Variants in NKAIN2 observed in about 807,000 individuals in gnomAD.
The protein encoded by NKAIN2 is sodium/potassium-transporting ATPase subunit beta-1-interacting protein 2.
NKAIN2 carries 14 observed loss-of-function variants against 32.6 expected under a neutral mutation model. That is an observed-to-expected ratio of 0.43 (90% confidence interval 0.28 to 0.67). NKAIN2 has a LOEUF of 0.67. Ranked by LOEUF, NKAIN2 falls within the 30% of genes least tolerant of loss-of-function variation. NKAIN2 has a pLI of 0.17. For missense variants in NKAIN2, 198 were observed against 258.3 expected, an observed-to-expected ratio of 0.77 and a Z score of 1.60; for synonymous variants, 80 against 87.2, an observed-to-expected ratio of 0.92 and a Z score of 0.46.
intron 3 of NKAIN2, among the ~76,000 whole-genome samples, chr6:124,513,221 T>G (rs188088441): frequency 2.0e-5 from 3 of 152,336 alleles, no homozygotes; most frequent in Admixed American, 2.0e-4. Context: ...TGGTTCACAC[T>G]TATATATGGA....
intron 1 of NKAIN2, among the ~76,000 whole-genome samples, chr6:124,084,557 T>A (rs1247499912): frequency 6.6e-6 from 1 of 151,982 alleles, no homozygotes. Flanking sequence ...GGAATTGAAA[T>A]TTTTTTGTGT....
chr6:124,550,363 CT>C (rs1190907767), intron 3 of NKAIN2, among the ~76,000 whole-genome samples: 4 of 151,912 alleles, frequency 2.6e-5, no homozygotes, highest in Non-Finnish European at 5.9e-5. Context: ...AATTTTTCTT[CT>C]TTTTGTTTTC....
At chr6:124,768,741 A>C (rs541969484) in intron 4 of NKAIN2, among the ~76,000 whole-genome samples, 4 of 152,152 alleles carry the variant, frequency 2.6e-5, no homozygotes, top group Non-Finnish European at 1.5e-5. Context: ...GGAAAAAAAA[A>C]CAAAACTTTT....
At chr6:124,269,453 C>CT (rs869242095) in intron 1 of NKAIN2, among the ~76,000 whole-genome samples, 25 of 109,174 alleles carry the variant, frequency 2.3e-4, no homozygotes, top group South Asian at 8.0e-4. Flanking sequence ...TTCTTTCTTT[C>CT]TTTTTTTTTT....
At chr6:124,322,300 C>T (rs1290888528) in intron 2 of NKAIN2, among the ~76,000 whole-genome samples, 3 of 152,078 alleles carry the variant, frequency 2.0e-5, no homozygotes, top group Non-Finnish European at 2.9e-5. Flanking sequence ...TAGATTATAA[C>T]TTTTTTTCAA....
At chr6:124,056,983 T>A (rs1285058141) in intron 1 of NKAIN2, among the ~76,000 whole-genome samples, 1 of 152,004 alleles carries the variant, frequency 6.6e-6, no homozygotes, top group Non-Finnish European at 1.5e-5. Flanking sequence ...AAGAAAAAAA[T>A]AAACAATAAA....
At position 124,824,639 on chromosome 6, in the gene NKAIN2, A is replaced by G. The variant is rs573468085; in HGVS notation, c.*1410A>G. On this transcript the variant is annotated 3_prime_UTR_variant, in exon 7 of 7. Transcript: ENST00000368417. The stretch of plus-strand genomic sequence containing the variant: ...CATAATTAGCTCAGGCTTATCAGGA[A>G]CTCAGATGAGTCATATTTTTTCTTG... 2.0e-5 allele frequency: 3 copies of G among 152,296 alleles called. No homozygotes were observed. Among genetic ancestry groups the G allele is most frequent in the East Asian group, 3.9e-4 (2 of 5,186 alleles). The allele number at this position is 152,296 out of a possible 1,614,324, so 9.4% of individuals were successfully genotyped here. A position where few individuals can be genotyped will look rare whatever the true frequency, so the allele number is the denominator to read the frequency against.
intron 4 of NKAIN2, among the ~76,000 whole-genome samples, chr6:124,743,532 A>C (rs994906328): frequency 1.3e-5 from 2 of 151,764 alleles, no homozygotes; most frequent in African/African-American, 4.8e-5. Flanking sequence ...CCCGACCCTG[A>C]TTTCCTCTGG....
At chr6:123,822,121 T>C (rs1291446879) in intron 1 of NKAIN2, among the ~76,000 whole-genome samples, 2 of 152,098 alleles carry the variant, frequency 1.3e-5, no homozygotes, top group Admixed American at 6.6e-5. Flanking sequence ...ATTTGAACTT[T>C]GTTGTCACGT....
chr6:124,211,493 G>A (rs1464988427), intron 1 of NKAIN2, among the ~76,000 whole-genome samples: 1 of 151,878 alleles, frequency 6.6e-6, no homozygotes, highest in Admixed American at 6.6e-5. Flanking sequence ...ACAAAATTGA[G>A]TTTGACAGTA....
intron 1 of NKAIN2, among the ~76,000 whole-genome samples, chr6:124,197,725 A>T (rs1345741989): frequency 6.6e-6 from 1 of 152,112 alleles, no homozygotes; most frequent in Non-Finnish European, 1.5e-5. Flanking sequence ...ATTGCCCAGA[A>T]AGGTCCTTCA....
chr6:124,685,774 T>C (rs191707322), intron 4 of NKAIN2, among the ~76,000 whole-genome samples: 19 of 152,294 alleles, frequency 1.2e-4, no homozygotes, highest in African/African-American at 4.1e-4. Flanking sequence ...TCAGTTCTGC[T>C]TTCACTAGGC....
At chr6:124,545,744 T>C (rs1008714385) in intron 3 of NKAIN2, among the ~76,000 whole-genome samples, 1 of 152,098 alleles carries the variant, frequency 6.6e-6, no homozygotes, top group Non-Finnish European at 1.5e-5. Context: ...ATGACACCGA[T>C]ATAGTTGTTT....
intron 3 of NKAIN2, among the ~76,000 whole-genome samples, chr6:124,504,963 C>T (rs1045667383): frequency 3.9e-5 from 6 of 152,162 alleles, no homozygotes; most frequent in Non-Finnish European, 7.4e-5. Context: ...GTGTATTCTT[C>T]GTGCAGACAC....
intron 1 of NKAIN2, among the ~76,000 whole-genome samples, chr6:124,190,207 A>C (rs1172958924): frequency 6.6e-6 from 1 of 152,182 alleles, no homozygotes; most frequent in Non-Finnish European, 1.5e-5. Flanking sequence ...TATTCTTTCT[A>C]AGCCTTGGTT....
chr6:124,605,888 G>A (rs1782479759), intron 3 of NKAIN2, among the ~76,000 whole-genome samples: 1 of 151,992 alleles, frequency 6.6e-6, no homozygotes, highest in Non-Finnish European at 1.5e-5. Flanking sequence ...CAGGGGGACA[G>A]TCTTTTTAGT....
intron 1 of NKAIN2, among the ~76,000 whole-genome samples, chr6:124,008,519 T>C (rs73559078): frequency 0.032 from 4,818 of 152,022 alleles, 278 homozygotes; most frequent in African/African-American, 0.11. Flanking sequence ...GGAAATGGCA[T>C]GTGTGAAGCA....
intron 3 of NKAIN2, among the ~76,000 whole-genome samples, chr6:124,360,333 C>G (rs1583122537): frequency 6.6e-6 from 1 of 151,824 alleles, no homozygotes; most frequent in Non-Finnish European, 1.5e-5. Flanking sequence ...ATTAGGCTGT[C>G]TTTTCTGCTT....
At chr6:124,372,911 C>T (rs961262662) in intron 3 of NKAIN2, among the ~76,000 whole-genome samples, 3 of 152,222 alleles carry the variant, frequency 2.0e-5, no homozygotes, top group Admixed American at 2.0e-4. Context: ...TTTTCCTCAG[C>T]TTTCTAAAAA....
Sources: gnomAD v4.1 joint callset for allele counts (sites outside exome capture counted in the v4.1 genomes callset) on GRCh38, gnomAD v4.1.1 for gene constraint, MANE v1.5 for transcripts, NCBI Gene and HGNC (gene_info 2026-07-23, HGNC 2026-07-21) for gene names.